SH2D3C: variants seen among roughly 807,000 people sequenced by gnomAD.
The protein encoded by SH2D3C is SH2 domain containing 3C, also known as SH2 domain-containing protein 3C.
In SH2D3C, 25 loss-of-function variants were observed where a neutral mutation model predicts 75.2. The ratio of observed to expected loss-of-function variants is 0.33; its 90% CI spans 0.24 to 0.46. SH2D3C has a LOEUF of 0.46. SH2D3C is among the 20% of genes least tolerant of loss of function. SH2D3C has a pLI of 1.00. For synonymous variants in SH2D3C, 450 were observed against 473.7 expected (o/e 0.95, Z 0.65); for missense variants, 933 against 1,165.3 (o/e 0.80, Z 2.90).
At chr9:127,743,041 C>T in intron 7 of SH2D3C, 77 bp from the exon 8 acceptor site, 1 of 1,050,768 alleles carries the variant, frequency 9.5e-7, no homozygotes, top group Non-Finnish European at 1.4e-6. Context: ...AGAGCTTTAT[C>T]TAAGGGGGTA....
chr9:127,776,987 C>T (rs1829020357), intron 1 of SH2D3C, among the ~76,000 whole-genome samples: 1 of 152,110 alleles, frequency 6.6e-6, no homozygotes, highest in Non-Finnish European at 1.5e-5. Flanking sequence ...GCCTCCTGGG[C>T]ACCAGACGTT....
At chr9:127,755,350 G>T in intron 3 of SH2D3C, 1 of 510,880 alleles carries the variant, frequency 2.0e-6, no homozygotes, top group Non-Finnish European at 2.9e-6. Flanking sequence ...CAGGGGAGGG[G>T]AGGGGGCCAT....
At position 127,744,911 on chromosome 9, in the gene SH2D3C, T is replaced by C. The variant is rs759898004; in HGVS notation, c.1453A>G (p.Ser485Gly). Reference sequence around the variant, plus strand: ...CCAGAGTCCGGGTCACTGTAGCTGCTGAGTGATGGTGACGGGGAGGCCTTG... The same window carrying C: ...CCAGAGTCCGGGTCACTGTAGCTGCCGAGTGATGGTGACGGGGAGGCCTTG... ...LGKASPSPSL[S>G]SYSDPDSGHY... The change falls in exon 7 of 12, where the codon AGC (serine) becomes GGC (glycine). Residue 485 changes from serine to glycine, a missense_variant. By Grantham distance (56) the Ser-to-Gly change is moderately conservative. Transcript: ENST00000314830. 4.4e-6 allele frequency: 7 copies of C among 1,605,380 alleles called. No individual in the cohort carries two copies. Among genetic ancestry groups the C allele is most frequent in the Non-Finnish European group, 4.3e-6 (5 of 1,174,412 alleles).
rs753151452 is a variant in SH2D3C at position 127,761,645 on chromosome 9, G to A, written c.521C>T (p.Ala174Val). The change falls in exon 3 of 12, where the codon GCT becomes GTT. Residue 174 changes from alanine to valine, a missense_variant. Coordinates refer to ENST00000314830, the MANE Select transcript of SH2D3C (RefSeq NM_170600.3). ...GTCGCTGCCAGCCTCTGGCTCTCCA[G>A]CAGCCCTGGAAGGAGAAAAGACAAG... ...PPRDVHSERA[A>V]GEPEAGSDYV... 1.2e-6 allele frequency: 2 copies of A among 1,611,722 alleles called. No individual in the cohort carries two copies. The highest frequency in any genetic ancestry group is 3.3e-5 in the Admixed American group (2 of 59,828).
intron 2 of SH2D3C, chr9:127,762,159 G>T: frequency 8.5e-7 from 1 of 1,171,104 alleles, no homozygotes. Context: ...CCCAGTCACG[G>T]CCACTGCCCA....
At chr9:127,747,771 C>T (rs1161587000) in intron 5 of SH2D3C, among the ~76,000 whole-genome samples, 1 of 152,144 alleles carries the variant, frequency 6.6e-6, no homozygotes, top group African/African-American at 2.4e-5. Context: ...AACTTCTGAC[C>T]TCAGGTGATT....
chr9:127,754,949 C>T lies in SH2D3C; in HGVS notation c.556-3649G>A, dbSNP rs909637777. ...GACCCCGCCCCCTCCCCGGGTCGGCCGGGCCCAGCCCAGCCCGACCCTGCC... is the reference window on the plus strand; with the variant it reads ...GACCCCGCCCCCTCCCCGGGTCGGCTGGGCCCAGCCCAGCCCGACCCTGCC... On this transcript the variant is annotated intron_variant, in intron 3 of 11. Transcript: ENST00000314830. The surrounding 1 kb of genome is among the most constrained non-coding windows in gnomAD (Gnocchi z 4.4). The T allele has an allele frequency of 1.6e-3, 846 of 533,574 alleles. 3 individuals are homozygous for T. Among genetic ancestry groups the T allele is most frequent in the Non-Finnish European group, 2.5e-3 (760 of 301,240 alleles). The allele number at this position is 533,574 out of a possible 1,614,324, so 33.1% of individuals were successfully genotyped here.
At chr9:127,750,862 C>T (rs140743979) in intron 4 of SH2D3C, among the ~76,000 whole-genome samples, 1 of 152,326 alleles carries the variant, frequency 6.6e-6, no homozygotes, top group East Asian at 1.9e-4. Flanking sequence ...GTAACAATAA[C>T]AGCATAATAA....
At chr9:127,740,991 A>C (rs1192592803) in intron 9 of SH2D3C, among the ~76,000 whole-genome samples, 1 of 151,742 alleles carries the variant, frequency 6.6e-6, no homozygotes, top group Non-Finnish European at 1.5e-5. Flanking sequence ...GTTGTTATTT[A>C]TTAGTCATAG....
rs1588517586 is a variant in SH2D3C, at chr9:127,762,672, G to C, written c.516-1022C>G. On this transcript the variant is annotated intron_variant, in intron 2 of 11. Transcript: ENST00000314830. ...TGGGGCCACCCTCGTGTCTCCAGTG[G>C]AGCAGAGGAGCCTTCCCTCGGGCTC... Among the ~76,000 whole-genome samples, 3 of 152,322 alleles carry C rather than the reference G, an allele frequency of 2.0e-5. No individual in the cohort carries two copies. The Middle Eastern group carries it at 0.01, about 518-fold the overall frequency.
At chr9:127,753,295 T>C (rs1447548099) in intron 3 of SH2D3C, among the ~76,000 whole-genome samples, 1 of 151,588 alleles carries the variant, frequency 6.6e-6, no homozygotes, top group Non-Finnish European at 1.5e-5. Flanking sequence ...CATTGATTCA[T>C]GTGGGGGAGC....
chr9:127,754,970 C>A lies in SH2D3C; in HGVS notation c.556-3670G>T. On this transcript the variant is annotated intron_variant, in intron 3 of 11. Coordinates refer to ENST00000314830, the MANE Select transcript of SH2D3C (RefSeq NM_170600.3). The surrounding 1 kb of genome is among the most constrained non-coding windows in gnomAD (Gnocchi z 4.4). Reference sequence around the variant, plus strand: ...CGGCCGGGCCCAGCCCAGCCCGACCCTGCCGGGCGCCGCTGAGCTGCAGCT... The same window carrying A: ...CGGCCGGGCCCAGCCCAGCCCGACCATGCCGGGCGCCGCTGAGCTGCAGCT... 1.9e-6 allele frequency: 1 copy of A among 535,030 alleles called. No individual in the cohort carries two copies. The highest frequency in any genetic ancestry group is 2.5e-5 in the South Asian group (1 of 40,470). The allele number at this position is 535,030 out of a possible 1,614,324, so 33.1% of individuals were successfully genotyped here.
Position 127,740,292 on chromosome 9 carries a change from G to C in SH2D3C, c.2166C>G (p.Leu722=), listed in dbSNP as rs1363110442. The stretch of plus-strand genomic sequence containing the variant: ...CGTTGAGGCTCTTGAGAAAAGGCTT[G>C]AGCTTCTTCTCGTACAGGATGGCAC... The part of the protein sequence containing the change: ...TEGAILYEKK[L]KPFLKSLNEG... Residue 722 remains leucine, a synonymous_variant, in exon 10 of 12, where the codon CTC becomes CTG. Transcript: ENST00000314830. The C allele has an allele frequency of 1.2e-6, 2 of 1,614,012 alleles. No homozygotes were observed. Among genetic ancestry groups the C allele is most frequent in the African/African-American group, 2.7e-5 (2 of 74,928 alleles).
intron 3 of SH2D3C, among the ~76,000 whole-genome samples, chr9:127,757,780 A>C (rs961256397): frequency 6.6e-6 from 1 of 151,836 alleles, no homozygotes; most frequent in Non-Finnish European, 1.5e-5. Flanking sequence ...CATCCTCCTG[A>C]GTAGCTGGGA....
chr9:127,746,365 CTTT>C (rs554364077), intron 6 of SH2D3C, among the ~76,000 whole-genome samples: 100 of 152,190 alleles, frequency 6.6e-4, no homozygotes, highest in Non-Finnish European at 1.4e-3. Flanking sequence ...TGAAAACATT[CTTT>C]TTATTTTTTT....
At chr9:127,741,016 G>C (rs1220113742) in intron 9 of SH2D3C, among the ~76,000 whole-genome samples, 1 of 152,032 alleles carries the variant, frequency 6.6e-6, no homozygotes, top group Non-Finnish European at 1.5e-5. Context: ...GGCAGGCTCA[G>C]CTCTGAAGTC....
In SH2D3C at chr9:127,738,874, G is replaced by C; in HGVS notation, c.2455C>G (p.Gln819Glu). Reference protein sequence around the residue: ...ELLEVFSTEFQMRLLWGSQGA... With the variant: ...ELLEVFSTEFEMRLLWGSQGA... ...TGACTGCCCCAGAGAAGGCGCATCT[G>C]GAACTCCGTGCTGAACACCTCCAGG... is the stretch of plus-strand genomic sequence containing the variant. Residue 819 changes from glutamine to glutamate, a missense_variant, in exon 12 of 12, where the codon CAG (glutamine) becomes GAG (glutamate). Gln to Glu is a conservative substitution (Grantham distance 29). Transcript: ENST00000314830. This position sits in a 1 kb window ranked among gnomAD's most constrained non-coding sequence, Gnocchi z 5.0. 6.3e-7 allele frequency: 1 copy of C among 1,598,418 alleles called. No individual in the cohort carries two copies. The highest frequency in any genetic ancestry group is 1.1e-5 in the South Asian group (1 of 88,430).
intron 3 of SH2D3C, among the ~76,000 whole-genome samples, chr9:127,753,685 C>T (rs759294985): frequency 4.6e-5 from 7 of 152,206 alleles, no homozygotes; most frequent in Non-Finnish European, 1.0e-4. Context: ...TCACACCAGG[C>T]TAGTCCTCTT....
chr9:127,777,699 C>A (rs1005658984), intron 1 of SH2D3C, among the ~76,000 whole-genome samples: 1 of 152,092 alleles, frequency 6.6e-6, no homozygotes, highest in African/African-American at 2.4e-5. Context: ...CTGCAGAGAT[C>A]GAGAGACGCG....
Sources: gnomAD v4.1 joint callset for allele counts (sites outside exome capture counted in the v4.1 genomes callset) on GRCh38, gnomAD v4.1.1 for gene constraint, Gnocchi (gnomAD v3.1) non-coding constraint, MANE v1.5 for transcripts, NCBI Gene and HGNC (gene_info 2026-07-23, HGNC 2026-07-21) for gene names.